Variants in DSCAML1 observed in about 807,000 individuals in gnomAD.
DSCAML1 encodes DS cell adhesion molecule like 1.
DSCAML1 carries 38 observed loss-of-function variants against 200.5 expected under a neutral mutation model. The ratio of observed to expected loss-of-function variants is 0.19; its 90% CI spans 0.15 to 0.25. DSCAML1 has a LOEUF of 0.25. Ranked by LOEUF, DSCAML1 falls within the 10% of genes least tolerant of loss-of-function variation. DSCAML1 has a pLI of 1.00. For synonymous variants in DSCAML1, 1,215 were observed against 1,165.0 expected (o/e 1.04, Z -0.87); for missense variants, 2,223 against 2,858.8 (o/e 0.78, Z 5.07).
At chr11:117,756,603 G>A (rs1210968393) in intron 3 of DSCAML1, among the ~76,000 whole-genome samples, 1 of 152,112 alleles carries the variant, frequency 6.6e-6, no homozygotes, top group Non-Finnish European at 1.5e-5. Flanking sequence ...ATTGCTATCT[G>A]GGTTGTAGAA....
At chr11:117,511,353 G>GTTTGCCC in intron 8 of DSCAML1, among the ~76,000 whole-genome samples, 1 of 152,290 alleles carries the variant, frequency 6.6e-6, no homozygotes, top group South Asian at 2.1e-4. Context: ...AAGCTCAGAT[G>GTTTGCCC]TAGGAATGGA....
chr11:117,659,341 C>T (rs1435942541), intron 3 of DSCAML1, among the ~76,000 whole-genome samples: 1 of 152,216 alleles, frequency 6.6e-6, no homozygotes, highest in African/African-American at 2.4e-5. Flanking sequence ...AATCTAACCA[C>T]AGACTATGAA....
At chr11:117,769,487 ATT>A (rs1430034866) in intron 3 of DSCAML1, among the ~76,000 whole-genome samples, 1 of 92,890 alleles carries the variant, frequency 1.1e-5, no homozygotes, top group Non-Finnish European at 1.9e-5. Flanking sequence ...TATAATATAT[ATT>A]TTATATATAT....
intron 11 of DSCAML1, among the ~76,000 whole-genome samples, chr11:117,493,897 G>A (rs958169330): frequency 1.3e-5 from 2 of 152,112 alleles, no homozygotes; most frequent in Non-Finnish European, 2.9e-5. Context: ...CAGAATGGTG[G>A]GATTACAGGT....
chr11:117,622,433 G>A (rs574867806), intron 3 of DSCAML1, among the ~76,000 whole-genome samples: 11 of 152,122 alleles, frequency 7.2e-5, no homozygotes, highest in African/African-American at 2.4e-4. Flanking sequence ...GCTGGAGCTG[G>A]CTGGCAATGG....
At chr11:117,797,350 C>T, upstream of DSCAML1, 2 of 1,133,794 alleles carry the variant, frequency 1.8e-6, no homozygotes. Context: ...CAGACGGACC[C>T]CAGCCCCACA....
intron 3 of DSCAML1, among the ~76,000 whole-genome samples, chr11:117,559,130 A>G (rs534276429): frequency 2.0e-5 from 3 of 151,828 alleles, no homozygotes; most frequent in African/African-American, 7.3e-5. Context: ...AAGACAGAAA[A>G]ACAGACACAA....
intron 3 of DSCAML1, among the ~76,000 whole-genome samples, chr11:117,730,072 G>T (rs986282889): frequency 6.6e-6 from 1 of 152,112 alleles, no homozygotes; most frequent in Non-Finnish European, 1.5e-5. Flanking sequence ...GGTGGTGTGC[G>T]CCTGTAGCCC....
chr11:117,683,930 G>A (rs1454727383), intron 3 of DSCAML1, among the ~76,000 whole-genome samples: 1 of 152,146 alleles, frequency 6.6e-6, no homozygotes, highest in Non-Finnish European at 1.5e-5. Flanking sequence ...ACAGAAGGGT[G>A]GTACACATAG....
At chr11:117,492,724 G>T (rs1397982998) in intron 11 of DSCAML1, among the ~76,000 whole-genome samples, 4 of 152,298 alleles carry the variant, frequency 2.6e-5, no homozygotes, top group East Asian at 1.9e-4. Flanking sequence ...GGTGGTCGGC[G>T]GGGCGGGTGG....
At chr11:117,675,696 C>T (rs561179175) in intron 3 of DSCAML1, among the ~76,000 whole-genome samples, 1 of 151,920 alleles carries the variant, frequency 6.6e-6, no homozygotes, top group Non-Finnish European at 1.5e-5. Context: ...TGCAGGTCCC[C>T]CCTTTCCCCC....
chr11:117,806,058 A>T (rs73586833), intron 1 of DSCAML1, among the ~76,000 whole-genome samples: 1,736 of 151,968 alleles, frequency 0.011, 27 homozygotes, highest in African/African-American at 0.039. Flanking sequence ...TTGCCTTCAG[A>T]CTCTTGCCCA....
chr11:117,458,977 T>G, intron 18 of DSCAML1, 68 bp from the exon 19 acceptor site: 1 of 1,568,562 alleles, frequency 6.4e-7, no homozygotes, highest in Non-Finnish European at 8.6e-7. Context: ...CTACCCCTGC[T>G]GCCTGGGCTC....
intron 3 of DSCAML1, among the ~76,000 whole-genome samples, chr11:117,568,026 T>G (rs1312510331): frequency 6.6e-6 from 1 of 151,880 alleles, no homozygotes; most frequent in Non-Finnish European, 1.5e-5. Flanking sequence ...TTATCCACCA[T>G]GATCAAGTGG....
rs367765548 is a variant in DSCAML1 at position 117,745,438 on chromosome 11, G to C, written c.511+31353C>G. Among the ~76,000 whole-genome samples the C allele has an allele frequency of 1.7e-3, 256 of 152,314 alleles. 1 individual carries two copies. Among genetic ancestry groups the C allele is most frequent in the African/African-American group, 5.7e-3 (237 of 41,570 alleles). On this transcript the variant is annotated intron_variant, in intron 3 of 32. Coordinates refer to ENST00000651296, the MANE Select transcript of DSCAML1 (RefSeq NM_020693.4). ...CTCCCCTTGAGGCCAAGACAGGGTG[G>C]GGCGGGGGACAGGGATGGGCAGCAC...
intron 11 of DSCAML1, among the ~76,000 whole-genome samples, chr11:117,492,875 T>C (rs2049214405): frequency 6.6e-6 from 1 of 152,158 alleles, no homozygotes. Flanking sequence ...CATGGCGTTG[T>C]TAATTTGATT....
rs1203933942 is a variant in DSCAML1 at position 117,464,988 on chromosome 11, G to A, written c.3219C>T (p.Gly1073=). Residue 1073 remains glycine, a synonymous_variant, in exon 17 of 33, where the codon GGC becomes GGT. Transcript: ENST00000651296. ...TGATCTCGCTGGAAGAGGGCCCCGT[G>A]CCAGCCCGATTGAAGGCTTGGACCA... ...GVVVQAFNRA[G]TGPSSSEINA... 1 of 1,614,082 alleles carries A rather than the reference G, an allele frequency of 6.2e-7. No individual in the cohort carries two copies. Among genetic ancestry groups the A allele is most frequent in the Admixed American group, 1.7e-5 (1 of 60,030 alleles).
chr11:117,541,701 G>C lies in DSCAML1; in HGVS notation c.512-9179C>G, dbSNP rs186917488. 3.9e-5 allele frequency among the ~76,000 whole-genome samples: 6 copies of C among 152,180 alleles called. No homozygotes were observed. The South Asian group carries it at 1.0e-3, about 26-fold the overall frequency. ...ACAAGAACACAGCCCAGGTTGTCTG[G>C]ACTGTAAGCCATGGTGGTCTTATCT... On this transcript the variant is annotated intron_variant, in intron 3 of 32. Coordinates refer to ENST00000651296, the MANE Select transcript of DSCAML1 (RefSeq NM_020693.4).
At chr11:117,563,914 C>A (rs4938408) in intron 3 of DSCAML1, among the ~76,000 whole-genome samples, 6,175 of 152,202 alleles carry the variant, frequency 0.041, 225 homozygotes, top group African/African-American at 0.093. Context: ...ACTCTGTGGG[C>A]TTCTCTGCAT....
Sources: gnomAD v4.1 joint callset for allele counts (sites outside exome capture counted in the v4.1 genomes callset) on GRCh38, gnomAD v4.1.1 for gene constraint, MANE v1.5 for transcripts, NCBI Gene and HGNC (gene_info 2026-07-23, HGNC 2026-07-21) for gene names.